PLCXD3: variants seen among roughly 807,000 people sequenced by gnomAD.
PLCXD3 encodes phosphatidylinositol specific phospholipase C X domain containing 3.
PLCXD3 carries 19 observed loss-of-function variants against 25.5 expected under a neutral mutation model. That is an observed-to-expected ratio of 0.75 (90% confidence interval 0.52 to 1.09). PLCXD3 has a LOEUF of 1.09. Among genes scored for constraint, PLCXD3 ranks in the 50% least tolerant of loss-of-function variants. PLCXD3 has a pLI of 0.00. For synonymous variants in PLCXD3, 174 were observed against 137.6 expected (o/e 1.26, Z -1.85); for missense variants, 411 against 388.1 (o/e 1.06, Z -0.50).
At chr5:41,365,026 C>T (rs1442750849) in intron 2 of PLCXD3, among the ~76,000 whole-genome samples, 1 of 152,192 alleles carries the variant, frequency 6.6e-6, no homozygotes, top group African/African-American at 2.4e-5. Flanking sequence ...AATGCTTTCA[C>T]TTTTCTCTCT....
In PLCXD3 at chr5:41,330,374, C is replaced by T. The variant is rs527904830; in HGVS notation, c.813-16604G>A. ...AAATGGATAAATTCCTCGACACATA[C>T]GCCCTCCCAAGACTAAACCAGGAAG... On this transcript the variant is annotated intron_variant, in intron 2 of 2. Transcript: ENST00000377801. Among the ~76,000 whole-genome samples, 12 of 152,222 alleles carry T rather than the reference C, an allele frequency of 7.9e-5. No homozygotes were observed. In the South Asian group the frequency reaches 1.0e-3, roughly 13 times the overall value.
chr5:41,452,809 C>T (rs1747665880), intron 1 of PLCXD3, among the ~76,000 whole-genome samples: 1 of 151,980 alleles, frequency 6.6e-6, no homozygotes, highest in Non-Finnish European at 1.5e-5. Context: ...CTGAGGCTCC[C>T]ATAGCTAACT....
intron 2 of PLCXD3, among the ~76,000 whole-genome samples, chr5:41,340,694 TG>T (rs2150477614): frequency 6.6e-6 from 1 of 152,272 alleles, no homozygotes; most frequent in East Asian, 1.9e-4. Context: ...CAGGCAGAAC[TG>T]TTTAGAGGGA....
intron 1 of PLCXD3, among the ~76,000 whole-genome samples, chr5:41,433,782 G>A (rs1482750092): frequency 6.6e-6 from 1 of 152,196 alleles, no homozygotes; most frequent in Admixed American, 6.5e-5. Flanking sequence ...GAAAACTGCT[G>A]CCGTATCAAG....
At chr5:41,372,463 T>G (rs1467077598) in intron 2 of PLCXD3, among the ~76,000 whole-genome samples, 2 of 152,266 alleles carry the variant, frequency 1.3e-5, no homozygotes, top group Admixed American at 1.3e-4. Context: ...TAATCTTCTT[T>G]AATCTTACAA....
At chr5:41,376,765 G>A (rs576913193) in intron 2 of PLCXD3, among the ~76,000 whole-genome samples, 1 of 152,108 alleles carries the variant, frequency 6.6e-6, no homozygotes, top group South Asian at 2.1e-4. Context: ...GCATGTTCTT[G>A]TCTTTTCAAA....
At chr5:41,453,956 A>T (rs1203464173) in intron 1 of PLCXD3, among the ~76,000 whole-genome samples, 1 of 151,962 alleles carries the variant, frequency 6.6e-6, no homozygotes, top group African/African-American at 2.4e-5. Context: ...CCAAACATCC[A>T]ACTCTGCAGA....
chr5:41,489,851 TTC>T (rs1748614433), intron 1 of PLCXD3, among the ~76,000 whole-genome samples: 1 of 151,556 alleles, frequency 6.6e-6, no homozygotes, highest in Non-Finnish European at 1.5e-5. Context: ...CAGTGGGGTT[TTC>T]TAGATATACA....
At chr5:41,354,248 C>T (rs992456268) in intron 2 of PLCXD3, among the ~76,000 whole-genome samples, 2 of 152,122 alleles carry the variant, frequency 1.3e-5, no homozygotes, top group African/African-American at 2.4e-5. Context: ...GCTAGAGAAC[C>T]AGGCTCTTCT....
chr5:41,309,426 T>C lies in PLCXD3; in HGVS notation c.*4191A>G, dbSNP rs1196702598. 1 of 152,568 alleles carries C rather than the reference T, an allele frequency of 6.6e-6. No individual in the cohort carries two copies. Among genetic ancestry groups the C allele is most frequent in the Non-Finnish European group, 1.5e-5 (1 of 68,004 alleles). The allele number at this position is 152,568 out of a possible 1,614,324, so 9.5% of individuals were successfully genotyped here. A position where few individuals can be genotyped will look rare whatever the true frequency, so the allele number is the denominator to read the frequency against. ...AAAGTGCTGTAAAATAAAATGCTCT[T>C]AAAAACCTTGTTTAGCATATCCTGA... On this transcript the variant is annotated 3_prime_UTR_variant, in exon 3 of 3. Transcript: ENST00000377801.
At chr5:41,373,324 C>T (rs1296955182) in intron 2 of PLCXD3, among the ~76,000 whole-genome samples, 1 of 152,120 alleles carries the variant, frequency 6.6e-6, no homozygotes, top group Non-Finnish European at 1.5e-5. Flanking sequence ...CACTTTTTGA[C>T]ACATAGGACC....
chr5:41,331,929 T>G (rs1298213835), intron 2 of PLCXD3, among the ~76,000 whole-genome samples: 2 of 152,142 alleles, frequency 1.3e-5, no homozygotes, highest in Non-Finnish European at 2.9e-5. Flanking sequence ...TTACACCTGA[T>G]ACAAAAATTA....
At position 41,438,733 on chromosome 5, in the gene PLCXD3, C is replaced by G. The variant is rs553732865; in HGVS notation, c.104-56199G>C. 5.9e-5 allele frequency among the ~76,000 whole-genome samples: 9 copies of G among 151,868 alleles called. No homozygotes were observed. The East Asian group carries it at 7.7e-4, about 13-fold the overall frequency. On this transcript the variant is annotated intron_variant, in intron 1 of 2. Coordinates refer to ENST00000377801, the MANE Select transcript of PLCXD3 (RefSeq NM_001005473.3). ...CTACAACACTAACATGTGAAAGTCTCTCTTCTAGAAATATCCAAGAATAGC... is the reference window on the plus strand; with the variant it reads ...CTACAACACTAACATGTGAAAGTCTGTCTTCTAGAAATATCCAAGAATAGC...
At chr5:41,392,801 A>G (rs1019916900) in intron 1 of PLCXD3, among the ~76,000 whole-genome samples, 1 of 152,210 alleles carries the variant, frequency 6.6e-6, no homozygotes, top group African/African-American at 2.4e-5. Flanking sequence ...AGGAAACTCA[A>G]ATAAATTTGA....
intron 1 of PLCXD3, among the ~76,000 whole-genome samples, chr5:41,491,623 T>C (rs1367361585): frequency 1.3e-5 from 2 of 152,148 alleles, no homozygotes; most frequent in Non-Finnish European, 2.9e-5. Flanking sequence ...TGCTCCTGTG[T>C]TGGGTGCATA....
At chr5:41,486,250 T>A (rs1748515327) in intron 1 of PLCXD3, among the ~76,000 whole-genome samples, 2 of 152,094 alleles carry the variant, frequency 1.3e-5, no homozygotes, top group African/African-American at 4.8e-5. Flanking sequence ...GATTTCCTAT[T>A]ATCTCTGTCA....
At chr5:41,370,317 G>A (rs1580330298) in intron 2 of PLCXD3, among the ~76,000 whole-genome samples, 2 of 142,714 alleles carry the variant, frequency 1.4e-5, no homozygotes, top group East Asian at 4.0e-4. Context: ...AAATATTAGT[G>A]CCTGCAATTG....
intron 1 of PLCXD3, among the ~76,000 whole-genome samples, chr5:41,399,269 CA>C (rs1746106263): frequency 6.6e-6 from 1 of 152,078 alleles, no homozygotes; most frequent in African/African-American, 2.4e-5. Flanking sequence ...CCCATATTAC[CA>C]AAAGCAATCT....
chr5:41,367,648 G>C (rs913197318), intron 2 of PLCXD3, among the ~76,000 whole-genome samples: 2 of 152,066 alleles, frequency 1.3e-5, no homozygotes, highest in African/African-American at 2.4e-5. Context: ...AGTTTAATTA[G>C]ATCCTATTTG....
Sources: allele counts gnomAD v4.1 joint callset (sites outside exome capture counted in the v4.1 genomes callset), GRCh38; gene constraint gnomAD v4.1.1; transcripts MANE v1.5; gene names NCBI Gene and HGNC (gene_info 2026-07-23, HGNC 2026-07-21).